Variants in PM20D2 observed in about 807,000 individuals in gnomAD.
PM20D2 encodes peptidase M20 domain containing 2, also known as xaa-Arg dipeptidase.
A neutral mutation model predicts 42.9 loss-of-function variants in PM20D2; 33 were observed. The observed-to-expected ratio is 0.77, with a 90% CI of 0.58 to 1.03. The LOEUF is 1.03. Ranked by LOEUF, PM20D2 falls within the 50% of genes least tolerant of loss-of-function variation. The probability of loss-of-function intolerance (pLI) is 0.00; values close to 1 mark genes in which losing one functional copy is unlikely to be tolerated. For synonymous variants in PM20D2, 250 were observed against 228.2 expected (o/e 1.10, Z -0.86); for missense variants, 548 against 557.0 (o/e 0.98, Z 0.16).
the PM20D2 span, among the ~76,000 whole-genome samples, chr6:89,101,709 A>AT: frequency 6.6e-6 from 1 of 152,140 alleles, no homozygotes; most frequent in African/African-American, 2.4e-5. Flanking sequence ...AAAAAAAATA[A>AT]AAATAAAAAT....
Position 89,146,398 on chromosome 6 carries a change from C to A in PM20D2, c.254C>A (p.Thr85Lys), listed in dbSNP as rs1420453391. The change falls in exon 1 of 7, where the codon ACG becomes AAG. Residue 85 changes from threonine to lysine, a missense_variant. By Grantham distance (78) the Thr-to-Lys change is moderately conservative (BLOSUM62 -1). Around this residue, in one of 3 missense-constraint regions of PM20D2, gnomAD observed 470 missense variants for 464.4 expected, o/e 1.01. Transcript: ENST00000275072. ...WAVQPHYQLPTAFRAEWEPPE... is the reference protein window; with the variant it reads ...WAVQPHYQLPKAFRAEWEPPE... ...GTGCAGCCGCACTACCAGCTGCCCA[C>A]GGCCTTCCGCGCCGAGTGGGAGCCG... 2 of 1,528,386 alleles carry A rather than the reference C, an allele frequency of 1.3e-6. No individual in the cohort carries two copies. The highest frequency in any genetic ancestry group is 2.5e-5 in the East Asian group (1 of 40,414). 94.7% of individuals were successfully genotyped at this position (1,528,386 alleles called of 1,614,324 possible).
At chr6:89,093,982 GTGATCTTGGCTCAC>G in the PM20D2 span, among the ~76,000 whole-genome samples, 52 of 124,072 alleles carry the variant, frequency 4.2e-4, no homozygotes, top group Non-Finnish European at 7.4e-4. Context: ...GTGCAGTTGA[GTGATCTTGGCTCAC>G]TGCAGCCTCT....
chr6:89,109,949 G>T, the PM20D2 span, among the ~76,000 whole-genome samples: 4 of 152,086 alleles, frequency 2.6e-5, no homozygotes, highest in African/African-American at 4.8e-5. Context: ...AAATTAACTG[G>T]GCGTGGTGGC....
intron 1 of PM20D2, among the ~76,000 whole-genome samples, chr6:89,148,844 A>T (rs1290985355): frequency 6.6e-6 from 1 of 152,204 alleles, no homozygotes; most frequent in Non-Finnish European, 1.5e-5. Flanking sequence ...TGTTGTGAGG[A>T]TAAGTAGTAA....
intron 5 of PM20D2, 74 bp from the exon 6 acceptor site, chr6:89,161,709 C>A: frequency 1.7e-6 from 2 of 1,163,056 alleles, no homozygotes; most frequent in Non-Finnish European, 2.6e-6. Flanking sequence ...CTAACAGGGA[C>A]TGTGACTTCA....
At chr6:89,099,417 T>TATATATATGTGTATATATATACACAC in the PM20D2 span, among the ~76,000 whole-genome samples, 151 of 131,698 alleles carry the variant, frequency 1.1e-3, 4 homozygotes, top group African/African-American at 4.7e-3. Flanking sequence ...TATATATACA[T>TATATATATGTGTATATATATACACAC]ATATATATGT....
the PM20D2 span, among the ~76,000 whole-genome samples, chr6:89,132,492 T>G: frequency 6.6e-6 from 1 of 151,270 alleles, no homozygotes; most frequent in Non-Finnish European, 1.5e-5. Flanking sequence ...AAAACAGAAA[T>G]GAATTCTTTT....
chr6:89,157,076 A>G (rs1179330590), intron 4 of PM20D2, among the ~76,000 whole-genome samples: 1 of 151,978 alleles, frequency 6.6e-6, no homozygotes, highest in East Asian at 1.9e-4. Flanking sequence ...ATTTGAATCT[A>G]TATTTAATTT....
chr6:89,109,888 G>C, the PM20D2 span, among the ~76,000 whole-genome samples: 1 of 152,118 alleles, frequency 6.6e-6, no homozygotes, highest in Non-Finnish European at 1.5e-5. Flanking sequence ...TCAGGAGATC[G>C]AGACCATCTT....
At chr6:89,115,263 C>T in the PM20D2 span, among the ~76,000 whole-genome samples, 1 of 151,762 alleles carries the variant, frequency 6.6e-6, no homozygotes, top group African/African-American at 2.4e-5. Flanking sequence ...ATACACCAGG[C>T]TACATTTTAT....
rs1158500730 is a variant in PM20D2 at position 89,162,013 on chromosome 6, G to T, written c.1157-96G>T. On this transcript the variant is annotated intron_variant, in intron 6 of 6. Transcript: ENST00000275072. The stretch of plus-strand genomic sequence containing the variant: ...CTCAGTAAATACTGCACTGTGGTGG[G>T]CAGTTGGAGAGCCAGTTGAGATACG... 58 of 1,495,662 alleles carry T rather than the reference G, an allele frequency of 3.9e-5. 1 individual carries two copies. In the South Asian group the frequency reaches 6.8e-4, roughly 18 times the overall value. 92.6% of individuals were successfully genotyped at this position (1,495,662 alleles called of 1,614,324 possible).
the PM20D2 span, among the ~76,000 whole-genome samples, chr6:89,112,452 T>C: frequency 1.0e-4 from 15 of 150,390 alleles, no homozygotes; most frequent in South Asian, 2.9e-3. Flanking sequence ...TCTTTCTTTT[T>C]TTTTTTTTTT....
At chr6:89,096,586 G>A in the PM20D2 span, 1 of 152,080 alleles carries the variant, frequency 6.6e-6, no homozygotes, top group Admixed American at 6.6e-5. Flanking sequence ...AATATGTTCA[G>A]GAATACAGAG....
At chr6:89,110,941 C>G in the PM20D2 span, among the ~76,000 whole-genome samples, 1 of 151,832 alleles carries the variant, frequency 6.6e-6, no homozygotes, top group Non-Finnish European at 1.5e-5. Flanking sequence ...CATAGTGAGA[C>G]CCCCATCTCT....
At chr6:89,129,005 A>G in the PM20D2 span, among the ~76,000 whole-genome samples, 1 of 152,216 alleles carries the variant, frequency 6.6e-6, no homozygotes, top group Non-Finnish European at 1.5e-5. Context: ...GGAAAACTAC[A>G]GGGCAAGCTA....
rs1290072757 is a variant in PM20D2 at position 89,156,469 on chromosome 6, A to C, written c.912+1567A>C. Among the ~76,000 whole-genome samples the C allele has an allele frequency of 2.0e-5, 3 of 152,250 alleles. No homozygotes were observed. In the South Asian group the frequency reaches 6.2e-4, roughly 31 times the overall value. Reference sequence around the variant, plus strand: ...ATGAGATAATGTTTCTGAAGGGTTTAGAGCCCAGCCTTCATTTATATTGCC... The same window carrying C: ...ATGAGATAATGTTTCTGAAGGGTTTCGAGCCCAGCCTTCATTTATATTGCC... On this transcript the variant is annotated intron_variant, in intron 4 of 6. Transcript: ENST00000275072.
chr6:89,109,370 C>T, the PM20D2 span, among the ~76,000 whole-genome samples: 1 of 152,040 alleles, frequency 6.6e-6, no homozygotes, highest in Non-Finnish European at 1.5e-5. Context: ...ACAGTAGGTA[C>T]TCAATATATA....
the PM20D2 span, among the ~76,000 whole-genome samples, chr6:89,125,883 C>T: frequency 6.6e-6 from 1 of 151,636 alleles, no homozygotes; most frequent in Non-Finnish European, 1.5e-5. Flanking sequence ...GTCAGGAGTC[C>T]GAGACCAGCC....
chr6:89,146,734 G>T lies in PM20D2; in HGVS notation c.465+125G>T, dbSNP rs147676919. The T allele has an allele frequency of 9.4e-4, 718 of 764,372 alleles. 6 individuals carry two copies. In the East Asian group the frequency reaches 0.022, roughly 23 times the overall value. The allele number at this position is 764,372 out of a possible 1,614,324, so 47.3% of individuals were successfully genotyped here. A position where few individuals can be genotyped will look rare whatever the true frequency, so the allele number is the denominator to read the frequency against. ...TCCCGCCCGGGGCAGGTGTGTGTGG[G>T]ACCGCGCTAAACCTGCGGTCCTCGC... On this transcript the variant is annotated intron_variant, in intron 1 of 6. Coordinates refer to ENST00000275072, the MANE Select transcript of PM20D2 (RefSeq NM_001010853.3).
Sources: gnomAD v4.1 joint callset for allele counts (sites outside exome capture counted in the v4.1 genomes callset) on GRCh38, gnomAD v4.1.1 for gene constraint, gnomAD v4.1.1 regional missense constraint, MANE v1.5 for transcripts, NCBI Gene and HGNC (gene_info 2026-07-23, HGNC 2026-07-21) for gene names.